CCDC102B: variants seen among roughly 807,000 people sequenced by gnomAD.
CCDC102B encodes coiled-coil domain-containing protein 102B.
In CCDC102B, 75 loss-of-function variants were observed where a neutral mutation model predicts 57.4. The ratio of observed to expected loss-of-function variants is 1.31; its 90% CI spans 1.08 to 1.58. The LOEUF (loss-of-function observed/expected upper bound fraction) is 1.58, where lower values mean the gene tolerates loss of function less well. Among genes scored for constraint, CCDC102B ranks in the 40% most tolerant of loss-of-function variants. The probability of loss-of-function intolerance (pLI) is 0.00; values close to 1 mark genes in which losing one functional copy is unlikely to be tolerated. For missense variants in CCDC102B, 636 were observed against 582.6 expected (o/e 1.09, Z -0.94); for synonymous variants, 206 against 201.9 (o/e 1.02, Z -0.17).
intron 6 of CCDC102B, among the ~76,000 whole-genome samples, chr18:68,898,362 A>T (rs1422167120): frequency 2.0e-5 from 3 of 152,086 alleles, no homozygotes; most frequent in South Asian, 2.1e-4. Context: ...GAATCTAGGG[A>T]TTTATTGCAA....
intron 2 of CCDC102B, among the ~76,000 whole-genome samples, chr18:68,781,557 A>C (rs999825376): frequency 1.3e-5 from 2 of 152,148 alleles, no homozygotes; most frequent in Non-Finnish European, 2.9e-5. Flanking sequence ...GAGAAGTTTC[A>C]CTTTTGACAT....
chr18:68,803,482 G>A (rs980311670), intron 1 of CCDC102B, among the ~76,000 whole-genome samples: 2 of 152,188 alleles, frequency 1.3e-5, no homozygotes, highest in African/African-American at 4.8e-5. Flanking sequence ...TTCTGTTAGG[G>A]TGAAGGATGT....
chr18:69,056,681 A>ATAGATAGATAGATAGG (rs1426862753), downstream of CCDC102B, among the ~76,000 whole-genome samples: 80 of 151,394 alleles, frequency 5.3e-4, no homozygotes, highest in African/African-American at 1.7e-3. Context: ...AGATAGATAG[A>ATAGATAGATAGATAGG]TAGGATAGAG....
At chr18:68,745,043 G>T (rs1324841261) in intron 2 of CCDC102B, among the ~76,000 whole-genome samples, 3 of 152,122 alleles carry the variant, frequency 2.0e-5, no homozygotes, top group African/African-American at 7.2e-5. Flanking sequence ...CACCATCAGG[G>T]CAGACCTATT....
At chr18:68,999,623 G>GT (rs2051147078) in intron 6 of CCDC102B, among the ~76,000 whole-genome samples, 1 of 150,440 alleles carries the variant, frequency 6.6e-6, no homozygotes, top group Non-Finnish European at 1.5e-5. Flanking sequence ...TTGTTTGTTT[G>GT]TTTGTTTTGT....
At chr18:68,740,824 A>G (rs566636041) in intron 2 of CCDC102B, among the ~76,000 whole-genome samples, 2 of 152,256 alleles carry the variant, frequency 1.3e-5, no homozygotes, top group Non-Finnish European at 2.9e-5. Flanking sequence ...ATATATATGT[A>G]CTTATGAAAT....
intron 4 of CCDC102B, among the ~76,000 whole-genome samples, chr18:68,858,179 T>C (rs1204972274): frequency 6.6e-6 from 1 of 152,232 alleles, no homozygotes; most frequent in East Asian, 1.9e-4. Context: ...CACCATAGAT[T>C]AGTTTGCATT....
intron 6 of CCDC102B, among the ~76,000 whole-genome samples, chr18:68,963,233 A>C (rs1016002184): frequency 6.6e-6 from 1 of 152,010 alleles, no homozygotes; most frequent in Non-Finnish European, 1.5e-5. Flanking sequence ...CAGAGCAAAA[A>C]TCAAACAGAA....
chr18:68,897,438 C>T lies in CCDC102B; in HGVS notation c.1263+10C>T, dbSNP rs751683155. 1.1e-5 allele frequency: 17 copies of T among 1,609,100 alleles called. 1 individual carries two copies. The South Asian group carries it at 1.8e-4, about 17-fold the overall frequency. On this transcript the variant is annotated intron_variant, in intron 6 of 7. Coordinates refer to ENST00000360242, the MANE Select transcript of CCDC102B (RefSeq NM_024781.3). ...GCAAGAAAAAAACCAGGTATGGGTG[C>T]TCCTTGGAGCAAATTCTCACTGTCT...
chr18:68,758,280 G>GTA (rs995956454), intron 2 of CCDC102B, among the ~76,000 whole-genome samples: 4 of 151,270 alleles, frequency 2.6e-5, no homozygotes, highest in Non-Finnish European at 5.9e-5. Context: ...TATCACATAT[G>GTA]TATATATATG....
intron 7 of CCDC102B, among the ~76,000 whole-genome samples, chr18:69,016,048 A>G (rs1324771016): frequency 7.0e-6 from 1 of 143,140 alleles, no homozygotes; most frequent in African/African-American, 2.6e-5. Context: ...TTTTTTTAGT[A>G]GAGACGGGGT....
intron 2 of CCDC102B, among the ~76,000 whole-genome samples, chr18:68,726,924 C>T (rs2032622098): frequency 1.3e-5 from 2 of 152,102 alleles, no homozygotes; most frequent in Admixed American, 1.3e-4. Context: ...TGGGAAGAGT[C>T]CATGGATTGG....
At chr18:68,849,656 T>A (rs1464407568) in intron 4 of CCDC102B, among the ~76,000 whole-genome samples, 1 of 152,144 alleles carries the variant, frequency 6.6e-6, no homozygotes, top group African/African-American at 2.4e-5. Context: ...ACTCAGTGGA[T>A]AGCTGCCTTC....
chr18:69,031,257 A>G (rs971828534), intron 7 of CCDC102B, among the ~76,000 whole-genome samples: 11 of 152,160 alleles, frequency 7.2e-5, no homozygotes, highest in African/African-American at 2.7e-4. Context: ...TTAGTGACTT[A>G]GGGGGTCTCT....
Position 68,854,606 on chromosome 18 carries a change from A to G in CCDC102B, c.936+8185A>G, listed in dbSNP as rs146204775. Among the ~76,000 whole-genome samples, 630 of 152,268 alleles carry G rather than the reference A, an allele frequency of 4.1e-3. 2 individuals are homozygous for G. The highest frequency in any genetic ancestry group is 0.014 in the African/African-American group (576 of 41,574). On this transcript the variant is annotated intron_variant, in intron 4 of 7. Transcript: ENST00000360242. Reference sequence around the variant, plus strand: ...GCCAGGTGCAGAAGTGATTATACACACTTGTAATACATGCCTCTTTGCTTA... The same window carrying G: ...GCCAGGTGCAGAAGTGATTATACACGCTTGTAATACATGCCTCTTTGCTTA...
intron 1 of CCDC102B, among the ~76,000 whole-genome samples, chr18:68,799,253 G>C (rs548995804): frequency 6.6e-6 from 1 of 152,138 alleles, no homozygotes; most frequent in East Asian, 1.9e-4. Flanking sequence ...ATCTGTGTAG[G>C]TTTGTGTGAC....
intron 6 of CCDC102B, among the ~76,000 whole-genome samples, chr18:68,919,891 T>C (rs1163616697): frequency 1.3e-5 from 2 of 152,164 alleles, no homozygotes; most frequent in South Asian, 2.1e-4. Context: ...TACTAAGATA[T>C]ATGAATACTT....
intron 1 of CCDC102B, among the ~76,000 whole-genome samples, chr18:68,808,547 C>T (rs758971977): frequency 3.4e-4 from 50 of 149,082 alleles, no homozygotes; most frequent in African/African-American, 1.0e-3. Context: ...GCGCTATCTC[C>T]GCTCACTGCA....
intron 2 of CCDC102B, chr18:68,753,698 A>T (rs2033945616): frequency 6.6e-6 from 1 of 151,734 alleles, no homozygotes; most frequent in South Asian, 2.1e-4. Flanking sequence ...ACCAGAGGGT[A>T]TGCCACTGCA....
Sources: gnomAD v4.1 joint callset for allele counts (sites outside exome capture counted in the v4.1 genomes callset) on GRCh38, gnomAD v4.1.1 for gene constraint, MANE v1.5 for transcripts, NCBI Gene and HGNC (gene_info 2026-07-23, HGNC 2026-07-21) for gene names.